ATP10B: variants seen among roughly 807,000 people sequenced by gnomAD.
The protein encoded by ATP10B is phospholipid-transporting ATPase VB.
ATP10B carries 122 observed loss-of-function variants against 141.2 expected under a neutral mutation model. The observed-to-expected ratio is 0.86, with a 90% CI of 0.75 to 1.00. The LOEUF (loss-of-function observed/expected upper bound fraction) is 1.00. Ranked by LOEUF, ATP10B falls within the 50% of genes least tolerant of loss-of-function variation. The pLI, the probability that ATP10B is intolerant of heterozygous loss-of-function variation, is 0.00. For synonymous variants in ATP10B, 685 were observed against 692.0 expected (o/e 0.99, Z 0.16); for missense variants, 1,876 against 1,825.3 (o/e 1.03, Z -0.51).
At chr5:160,819,070 G>A (rs2127958884) in intron 1 of ATP10B, among the ~76,000 whole-genome samples, 1 of 152,190 alleles carries the variant, frequency 6.6e-6, no homozygotes, top group Non-Finnish European at 1.5e-5. Flanking sequence ...AATGGGTGCA[G>A]CACACCAACA....
chr5:160,574,823 T>G (rs1377820638), intron 24 of ATP10B, among the ~76,000 whole-genome samples: 1 of 137,168 alleles, frequency 7.3e-6, no homozygotes, highest in Non-Finnish European at 1.6e-5. Flanking sequence ...TTTGTGCCCT[T>G]CCCAAAGATG....
intron 2 of ATP10B, among the ~76,000 whole-genome samples, chr5:160,779,620 C>T (rs2127877799): frequency 6.6e-6 from 1 of 152,268 alleles, no homozygotes; most frequent in South Asian, 2.1e-4. Context: ...TTCAGGTGGG[C>T]CTGCAGTCTT....
intron 1 of ATP10B, among the ~76,000 whole-genome samples, chr5:160,814,665 G>C (rs1346981967): frequency 2.6e-5 from 4 of 152,066 alleles, no homozygotes; most frequent in South Asian, 2.1e-4. Context: ...AGAAGAGCAA[G>C]TCCAAGACAC....
chr5:160,649,309 A>G, intron 7 of ATP10B, 53 bp from the exon 8 acceptor site: 1 of 1,307,740 alleles, frequency 7.6e-7, no homozygotes, highest in South Asian at 1.2e-5. Context: ...TCTAGTTTTA[A>G]TAGGATCACT....
At chr5:160,714,765 G>A (rs1301498577) in intron 3 of ATP10B, among the ~76,000 whole-genome samples, 1 of 132,192 alleles carries the variant, frequency 7.6e-6, no homozygotes, top group Non-Finnish European at 1.6e-5. Context: ...TTTGGTCTTT[G>A]ATGATGGTGA....
chr5:160,815,038 A>G (rs1294203408), intron 1 of ATP10B, among the ~76,000 whole-genome samples: 1 of 152,208 alleles, frequency 6.6e-6, no homozygotes, highest in East Asian at 1.9e-4. Context: ...GACATGACAA[A>G]TTGTAAAGAC....
chr5:160,656,824 T>C (rs1343675439), intron 7 of ATP10B, among the ~76,000 whole-genome samples: 1 of 152,172 alleles, frequency 6.6e-6, no homozygotes, highest in Non-Finnish European at 1.5e-5. Context: ...TTCTGTCGAT[T>C]GAAGAAAGGG....
the ATP10B span, among the ~76,000 whole-genome samples, chr5:160,888,452 C>T: frequency 3.3e-5 from 5 of 152,200 alleles, no homozygotes; most frequent in African/African-American, 9.6e-5. Flanking sequence ...GTCTAGGCGG[C>T]TTCTCTAAAT....
At chr5:160,606,431 C>T (rs1281419383) in intron 19 of ATP10B, among the ~76,000 whole-genome samples, 1 of 152,204 alleles carries the variant, frequency 6.6e-6, no homozygotes, top group Admixed American at 6.5e-5. Context: ...GGAAAATGAT[C>T]TGTATCCCAG....
intron 22 of ATP10B, among the ~76,000 whole-genome samples, chr5:160,595,804 A>C (rs970340598): frequency 1.3e-4 from 19 of 151,526 alleles, no homozygotes; most frequent in South Asian, 4.2e-4. Flanking sequence ...GAAATGGATA[A>C]ATTCCTCGAC....
chr5:160,809,332 T>C (rs1265224640), intron 1 of ATP10B, among the ~76,000 whole-genome samples: 2 of 152,212 alleles, frequency 1.3e-5, no homozygotes, highest in Non-Finnish European at 2.9e-5. Context: ...ATGGTTTTTG[T>C]TATCATTTTA....
intron 2 of ATP10B, among the ~76,000 whole-genome samples, chr5:160,729,142 T>G (rs1766566709): frequency 3.9e-5 from 6 of 152,180 alleles, no homozygotes; most frequent in Admixed American, 3.3e-4. Flanking sequence ...CCCTTAGGGC[T>G]TCAGATTTTC....
At chr5:160,615,128 G>C (rs1057311531) in intron 17 of ATP10B, among the ~76,000 whole-genome samples, 13 of 152,226 alleles carry the variant, frequency 8.5e-5, no homozygotes, top group African/African-American at 2.9e-4. Context: ...ATCTGTCCCT[G>C]CTTTCACCCT....
chr5:160,724,251 CTTTTTTTTTTTTT>C (rs35786358), intron 2 of ATP10B, among the ~76,000 whole-genome samples: 1 of 107,088 alleles, frequency 9.3e-6, no homozygotes, highest in African/African-American at 3.7e-5. Flanking sequence ...GCTATAATTC[CTTTTTTTTTTTTT>C]TTTTTTTTTT....
At chr5:160,925,387 C>G in the ATP10B span, among the ~76,000 whole-genome samples, 1 of 152,184 alleles carries the variant, frequency 6.6e-6, no homozygotes, top group East Asian at 1.9e-4. Flanking sequence ...GACAATAACC[C>G]TAGGGGATGA....
chr5:160,821,884 C>A (rs562298349), intron 1 of ATP10B, among the ~76,000 whole-genome samples: 1 of 152,224 alleles, frequency 6.6e-6, no homozygotes, highest in Non-Finnish European at 1.5e-5. Context: ...AAACTTAAAT[C>A]TAAGACCTTA....
In ATP10B at chr5:160,632,214, C is replaced by G. The variant is rs746366188; in HGVS notation, c.1535G>C (p.Arg512Pro). ...AQPLRRSQSA[R>P]VPIQGHYRQR... Reference sequence around the variant, plus strand: ...CCGGTAGTGGCCCTGGATGGGCACCCGGGCACTCTGGCTCCTCCTCAGAGG... The same window carrying G: ...CCGGTAGTGGCCCTGGATGGGCACCGGGGCACTCTGGCTCCTCCTCAGAGG... Residue 512 changes from arginine to proline, a missense_variant, in exon 13 of 26, where the codon CGG becomes CCG. Physicochemically the swap from Arg to Pro is moderately radical, Grantham distance 103 (BLOSUM62 -2). Coordinates refer to ENST00000327245, the MANE Select transcript of ATP10B (RefSeq NM_025153.3). 6.2e-7 allele frequency: 1 copy of G among 1,614,154 alleles called. No homozygotes were observed.
intron 1 of ATP10B, among the ~76,000 whole-genome samples, chr5:160,848,998 C>G (rs754782138): frequency 6.6e-6 from 1 of 152,200 alleles, no homozygotes; most frequent in African/African-American, 2.4e-5. Context: ...CTATTTAAAA[C>G]AGATTTCTGA....
chr5:160,615,647 A>ATCC (rs1757954215), intron 17 of ATP10B, among the ~76,000 whole-genome samples, 191 bp downstream of exon 17: 1 of 152,104 alleles, frequency 6.6e-6, no homozygotes, highest in Non-Finnish European at 1.5e-5. Context: ...CTCCCAGAGC[A>ATCC]TCCTCAGGAA....
Sources: gnomAD v4.1 joint callset for allele counts (sites outside exome capture counted in the v4.1 genomes callset) on GRCh38, gnomAD v4.1.1 for gene constraint, MANE v1.5 for transcripts, NCBI Gene and HGNC (gene_info 2026-07-23, HGNC 2026-07-21) for gene names.